Variants in SPOCK2 observed in about 807,000 individuals in gnomAD.
The protein encoded by SPOCK2 is SPARC (osteonectin), cwcv and kazal like domains proteoglycan 2, also known as testican-2.
Under a neutral mutation model 60.1 loss-of-function variants are expected in SPOCK2, and 39 were observed. That is an observed-to-expected ratio of 0.65 (90% CI 0.50 to 0.85). SPOCK2 has a LOEUF of 0.85. Ranked by LOEUF, SPOCK2 falls within the 40% of genes least tolerant of loss-of-function variation. SPOCK2 has a pLI of 0.00. For missense variants in SPOCK2, 523 were observed against 567.4 expected (o/e 0.92, Z 0.80); for synonymous variants, 217 against 231.5 (o/e 0.94, Z 0.57).
Position 72,070,414 on chromosome 10 carries a change from C to G in SPOCK2, c.372G>C (p.Pro124=). Residue 124 remains proline (P), a synonymous_variant, in exon 5 of 11, where the codon CCG becomes CCC. Transcript: ENST00000373109. ...CTTTGTTTCCATGGAGTTTCACGGT[C>G]GGCTGCTTGATCCTACAGGAGAGGG... ...RKKLEHRIKQ[P]TVKLHGNKDS... is the part of the protein sequence containing the mutation. 1.2e-6 allele frequency: 2 copies of G among 1,614,026 alleles called. No homozygotes were observed. The highest frequency in any genetic ancestry group is 1.1e-5 in the South Asian group (1 of 91,036).
intron 7 of SPOCK2, 75 bp downstream of exon 7, chr10:72,067,538 G>T (rs899123663): frequency 5.7e-6 from 9 of 1,590,936 alleles, no homozygotes; most frequent in African/African-American, 5.4e-5. Flanking sequence ...GGGCAGACTG[G>T]CCCAGCATAC....
chr10:72,066,684 C>T (rs987881764), intron 8 of SPOCK2, among the ~76,000 whole-genome samples: 19 of 152,216 alleles, frequency 1.2e-4, no homozygotes, highest in African/African-American at 1.7e-4. Flanking sequence ...AATCTGGATC[C>T]GCCTGGGAGC....
chr10:72,087,098 T>A lies in SPOCK2; in HGVS notation c.189+1042A>T. On this transcript the variant is annotated intron_variant, in intron 1 of 10. Transcript: ENST00000373109. The surrounding 1 kb of genome is among the most constrained non-coding windows in gnomAD (Gnocchi z 4.7). ...AGCAGCCGGCGTCGCCTCTGGCGCA[T>A]CCGGGCCCATCCCCCACAGCACCCC... 2.4e-6 allele frequency: 3 copies of A among 1,241,072 alleles called. No individual in the cohort carries two copies. The highest frequency in any genetic ancestry group is 3.3e-6 in the Non-Finnish European group (3 of 907,424). The allele number at this position is 1,241,072 out of a possible 1,614,324, so 76.9% of individuals were successfully genotyped here. A position where few individuals can be genotyped will look rare whatever the true frequency, so the allele number is the denominator to read the frequency against.
intron 1 of SPOCK2, among the ~76,000 whole-genome samples, chr10:72,077,268 G>C (rs973316113): frequency 6.6e-6 from 1 of 152,096 alleles, no homozygotes; most frequent in African/African-American, 2.4e-5. Context: ...GCACAGGCAT[G>C]TGCCACCATG....
chr10:72,077,513 G>A (rs1049214020), intron 1 of SPOCK2, among the ~76,000 whole-genome samples: 3 of 151,728 alleles, frequency 2.0e-5, no homozygotes, highest in Non-Finnish European at 4.4e-5. Context: ...CTCGGGCCAC[G>A]CTTCTGTGCT....
At position 72,068,284 on chromosome 10, in the gene SPOCK2, C is replaced by T. The variant is rs1840599458; in HGVS notation, c.492G>A (p.Gln164=). The part of the protein sequence containing the change: ...TYSSVCKLEQ[Q]ACLSSKQLAV... Reference sequence around the variant, plus strand: ...CCAGCTGCTTGCTGCTCAGGCACGCCTGTTGCTCCAGCTTACACTGCACAT... The same window carrying T: ...CCAGCTGCTTGCTGCTCAGGCACGCTTGTTGCTCCAGCTTACACTGCACAT... Residue 164 remains glutamine, a synonymous_variant, in exon 6 of 11, where the codon CAG becomes CAA. Coordinates refer to ENST00000373109, the MANE Select transcript of SPOCK2 (RefSeq NM_001244950.2). The T allele has an allele frequency of 1.2e-6, 2 of 1,611,338 alleles. No homozygotes were observed. The highest frequency in any genetic ancestry group is 3.3e-5 in the Admixed American group (2 of 59,734).
intron 4 of SPOCK2, among the ~76,000 whole-genome samples, chr10:72,070,738 A>T (rs1159627944): frequency 1.3e-5 from 2 of 152,056 alleles, no homozygotes; most frequent in Non-Finnish European, 2.9e-5. Context: ...CACTTCACTT[A>T]GGGGGTCAGA....
chr10:72,064,670 G>A (rs966371014), intron 8 of SPOCK2, among the ~76,000 whole-genome samples: 2 of 152,170 alleles, frequency 1.3e-5, no homozygotes, highest in African/African-American at 4.8e-5. Flanking sequence ...GGCCCCATAA[G>A]ATTACAACAC....
chr10:72,063,288 T>C, intron 9 of SPOCK2, 126 bp from the exon 10 acceptor site: 2 of 1,374,948 alleles, frequency 1.5e-6, no homozygotes, highest in South Asian at 2.8e-5. Flanking sequence ...CCAGACCGGG[T>C]GCTGACCCCC....
chr10:72,085,402 T>C (rs1469205916), intron 1 of SPOCK2, among the ~76,000 whole-genome samples: 1 of 152,238 alleles, frequency 6.6e-6, no homozygotes, highest in Non-Finnish European at 1.5e-5. Context: ...TGGTAAATCC[T>C]GCCTTCCCTA....
chr10:72,088,533 CGGAG>C lies in SPOCK2; in HGVS notation c.-209_-206del. 1.8e-6 allele frequency: 1 copy of C among 555,194 alleles called. No individual in the cohort carries two copies. Among genetic ancestry groups the C allele is most frequent in the Non-Finnish European group, 3.1e-6 (1 of 324,830 alleles). 34.4% of individuals were successfully genotyped at this position (555,194 alleles called of 1,614,324 possible). A position where few individuals can be genotyped will look rare whatever the true frequency, so the allele number is the denominator to read the frequency against. ...GTCTGAAAAAGCCCAGCACTGGACG[CGGAG>C]AGGGAGAGAGAATCAGAGAGGCTGC... On this transcript the variant is annotated 5_prime_UTR_variant, in exon 1 of 11. Transcript: ENST00000373109.
intron 1 of SPOCK2, among the ~76,000 whole-genome samples, chr10:72,081,679 G>A (rs1036503131): frequency 6.6e-6 from 1 of 152,220 alleles, no homozygotes; most frequent in Non-Finnish European, 1.5e-5. Flanking sequence ...GGGGACAGTC[G>A]TCCTTCACTT....
At chr10:72,080,344 C>T (rs932308454) in intron 1 of SPOCK2, among the ~76,000 whole-genome samples, 6 of 152,224 alleles carry the variant, frequency 3.9e-5, no homozygotes, top group Admixed American at 6.5e-5. Flanking sequence ...CTGTATCTGC[C>T]ATTATTTTGG....
intron 1 of SPOCK2, among the ~76,000 whole-genome samples, chr10:72,080,400 G>A (rs781439486): frequency 5.3e-5 from 8 of 152,190 alleles, no homozygotes; most frequent in African/African-American, 1.4e-4. Context: ...CCAGTCCACT[G>A]AAGAAGGCCC....
intron 1 of SPOCK2, among the ~76,000 whole-genome samples, chr10:72,078,259 T>C (rs933411005): frequency 6.6e-6 from 1 of 152,178 alleles, no homozygotes; most frequent in African/African-American, 2.4e-5. Context: ...CTCACACCTG[T>C]AATCCCAGCA....
intron 9 of SPOCK2, 103 bp from the exon 10 acceptor site, chr10:72,063,265 C>A: frequency 4.1e-6 from 6 of 1,467,476 alleles, no homozygotes; most frequent in Non-Finnish European, 5.5e-6. Context: ...GTCTATACAC[C>A]CCCAGAGCCC....
At chr10:72,066,051 C>T (rs990193890) in intron 8 of SPOCK2, among the ~76,000 whole-genome samples, 4 of 152,132 alleles carry the variant, frequency 2.6e-5, no homozygotes, top group Non-Finnish European at 4.4e-5. Flanking sequence ...TCCCCAGCTC[C>T]AGCCACACAG....
chr10:72,076,779 C>T (rs1303420265), intron 1 of SPOCK2, among the ~76,000 whole-genome samples: 4 of 152,298 alleles, frequency 2.6e-5, no homozygotes, highest in African/African-American at 2.4e-5. Flanking sequence ...CTTTTATCCT[C>T]ACAGTCCTGT....
chr10:72,082,537 C>G (rs951861617), intron 1 of SPOCK2, among the ~76,000 whole-genome samples: 1 of 151,944 alleles, frequency 6.6e-6, no homozygotes, highest in Non-Finnish European at 1.5e-5. Context: ...GGGTAGGGCC[C>G]TCATGATGAG....
Sources: gnomAD v4.1 joint callset for allele counts (sites outside exome capture counted in the v4.1 genomes callset) on GRCh38, gnomAD v4.1.1 for gene constraint, Gnocchi (gnomAD v3.1) non-coding constraint, MANE v1.5 for transcripts, NCBI Gene and HGNC (gene_info 2026-07-23, HGNC 2026-07-21) for gene names.